DNAAF8: variants seen among roughly 807,000 people sequenced by gnomAD.
DNAAF8 encodes the protein dynein axonemal assembly factor 8, also known as dynein axonemal-associated protein 1.
A neutral mutation model predicts 54.6 loss-of-function variants in DNAAF8; 61 were observed. The observed-to-expected ratio is 1.12, with a 90% CI of 0.91 to 1.38. The LOEUF (loss-of-function observed/expected upper bound fraction) is 1.38, where lower values mean the gene tolerates loss of function less well. DNAAF8 is among the 40% of genes most tolerant of loss of function. The pLI is 0.00. For missense variants in DNAAF8, 837 were observed against 665.0 expected (o/e 1.26, Z -2.85); for synonymous variants, 320 against 270.1 (o/e 1.18, Z -1.81).
At position 4,736,622 on chromosome 16, in the gene DNAAF8, T is replaced by C; in HGVS notation, c.108T>C (p.Ser36=). ...ILKAVKDQLP[S]LDSDSPLSDY... ...AGGCTGTCAAAGACCAGCTCCCGTCTCTGGACTCAGACTCCCCTTTGGTAA... is the reference window on the plus strand; with the variant it reads ...AGGCTGTCAAAGACCAGCTCCCGTCCCTGGACTCAGACTCCCCTTTGGTAA... Residue 36 remains serine (S), a synonymous_variant, in exon 2 of 10, where the codon TCT becomes TCC. Coordinates refer to ENST00000299320, the MANE Select transcript of DNAAF8 (RefSeq NM_139170.3). 6.3e-7 allele frequency: 1 copy of C among 1,579,944 alleles called. No individual in the cohort carries two copies. The highest frequency in any genetic ancestry group is 8.6e-7 in the Non-Finnish European group (1 of 1,162,272).
Position 4,740,513 on chromosome 16 carries a change from C to G in DNAAF8, c.637C>G (p.Gln213Glu). The G allele has an allele frequency of 6.2e-7, 1 of 1,614,128 alleles. No homozygotes were observed. Among genetic ancestry groups the G allele is most frequent in the Non-Finnish European group, 8.5e-7 (1 of 1,180,022 alleles). Residue 213 changes from glutamine to glutamate, a missense_variant, in exon 4 of 10, where the codon CAG becomes GAG. Physicochemically the swap from Gln to Glu is conservative, Grantham distance 29. Transcript: ENST00000299320. ...RRKMIETDIL[Q>E]KVTRDACGPT... ...GAAGATGATAGAGACGGACATCCTCCAGAAAGTCACCCGGGATGCCTGCGG... is the reference window on the plus strand; with the variant it reads ...GAAGATGATAGAGACGGACATCCTCGAGAAAGTCACCCGGGATGCCTGCGG...
Position 4,736,465 on chromosome 16 carries a change from G to C in DNAAF8, c.-50G>C. The C allele has an allele frequency of 6.9e-7, 1 of 1,453,816 alleles. No individual in the cohort carries two copies. 90.1% of individuals were successfully genotyped at this position (1,453,816 alleles called of 1,614,324 possible). A position where few individuals can be genotyped will look rare whatever the true frequency, so the allele number is the denominator to read the frequency against. ...TCCATCACCCTGTGTACCCCACAGA[G>C]CTCCCCGGATTATGGTGCACTGAGA... On this transcript the variant is annotated splice_region_variant and 5_prime_UTR_variant, in exon 2 of 10. Coordinates refer to ENST00000299320, the MANE Select transcript of DNAAF8 (RefSeq NM_139170.3).
chr16:4,747,118 A>G, intron 8 of DNAAF8, 93 bp downstream of exon 8: 3 of 1,306,662 alleles, frequency 2.3e-6, no homozygotes, highest in Admixed American at 5.7e-5. Context: ...GCCTGTGGTG[A>G]GGTCTTGCTG....
intron 5 of DNAAF8, chr16:4,743,922 CTTTTTTTTTTTTTTT>C (rs549586077): frequency 9.4e-6 from 1 of 106,024 alleles, no homozygotes; most frequent in African/African-American, 3.7e-5. Flanking sequence ...AGAATGTATT[CTTTTTTTTTTTTTTT>C]TTTTTTTTTG....
chr16:4,736,388 C>A, intron 1 of DNAAF8, 76 bp from the exon 2 acceptor site: 1 of 1,132,502 alleles, frequency 8.8e-7, no homozygotes, highest in Non-Finnish European at 1.2e-6. Context: ...TGGTCTCCTA[C>A]AGCTGGTAGA....
At chr16:4,741,314 T>G (rs952940759) in intron 4 of DNAAF8, among the ~76,000 whole-genome samples, 1 of 151,580 alleles carries the variant, frequency 6.6e-6, no homozygotes, top group African/African-American at 2.4e-5. Flanking sequence ...AAAAAGGAAT[T>G]CCACTCCCGA....
At chr16:4,739,770 C>T (rs959758753) in intron 3 of DNAAF8, among the ~76,000 whole-genome samples, 7 of 151,854 alleles carry the variant, frequency 4.6e-5, no homozygotes, top group Non-Finnish European at 8.8e-5. Flanking sequence ...AGAGGTCAGG[C>T]ACAGTGGCTT....
chr16:4,740,256 T>C lies in DNAAF8; in HGVS notation c.380T>C (p.Phe127Ser), dbSNP rs1290829358. Reference sequence around the variant, plus strand: ...GAAGGAAGAGACCCTGGCAGGCCTTTTGAAAGCTCTGGTGAGGTCAGCGCT... The same window carrying C: ...GAAGGAAGAGACCCTGGCAGGCCTTCTGAAAGCTCTGGTGAGGTCAGCGCT... ...SQEGRDPGRP[F>S]ESSGEVSALL... is the part of the protein sequence containing the mutation. The change falls in exon 4 of 10, where the codon TTT (phenylalanine) becomes TCT (serine). Residue 127 changes from phenylalanine to serine, a missense_variant. Phe to Ser is a radical substitution (Grantham distance 155, BLOSUM62 -2). Transcript: ENST00000299320. The C allele has an allele frequency of 6.2e-7, 1 of 1,614,036 alleles. No homozygotes were observed. Among genetic ancestry groups the C allele is most frequent in the Non-Finnish European group, 8.5e-7 (1 of 1,179,992 alleles).
intron 1 of DNAAF8, 56 bp downstream of exon 1, chr16:4,734,754 T>TA (rs2081851054): frequency 1.3e-5 from 2 of 151,590 alleles, no homozygotes; most frequent in African/African-American, 4.9e-5. Context: ...CGCGGGGAAA[T>TA]ACGGGCTGGG....
At position 4,746,497 on chromosome 16, in the gene DNAAF8, A is replaced by G. The variant is rs1339693293; in HGVS notation, c.1166A>G (p.His389Arg). 1 of 1,613,484 alleles carries G rather than the reference A, an allele frequency of 6.2e-7. No homozygotes were observed. Among genetic ancestry groups the G allele is most frequent in the South Asian group, 1.1e-5 (1 of 91,074 alleles). The change falls in exon 7 of 10, where the codon CAC (histidine) becomes CGC (arginine). Residue 389 changes from histidine to arginine, a missense_variant. Coordinates refer to ENST00000299320, the MANE Select transcript of DNAAF8 (RefSeq NM_139170.3). ...CTGCGGCAGATGGAGCTACCAGACC[A>G]CCTGTCCCCAGAAAGGTCCGGAGGG... is the stretch of plus-strand genomic sequence containing the variant. ...IDLRQMELPD[H>R]LSPESSSHSS...
intron 2 of DNAAF8, among the ~76,000 whole-genome samples, chr16:4,736,915 G>A (rs1049380565): frequency 3.3e-5 from 5 of 152,066 alleles, no homozygotes; most frequent in African/African-American, 9.7e-5. Flanking sequence ...GGAGTTTTTG[G>A]TGCTGACTTG....
intron 1 of DNAAF8, among the ~76,000 whole-genome samples, chr16:4,735,613 A>C (rs1327490226): frequency 4.0e-5 from 6 of 150,932 alleles, no homozygotes; most frequent in African/African-American, 1.5e-4. Flanking sequence ...ATATAAATGC[A>C]GGGGCTGGTC....
At chr16:4,741,669 G>A (rs538157560) in intron 4 of DNAAF8, among the ~76,000 whole-genome samples, 11 of 152,250 alleles carry the variant, frequency 7.2e-5, no homozygotes, top group Non-Finnish European at 1.6e-4. Flanking sequence ...GTGTGGTGGT[G>A]CGCGCCTGTA....
chr16:4,735,222 G>A (rs1269009639), intron 1 of DNAAF8: 3 of 152,386 alleles, frequency 2.0e-5, no homozygotes, highest in African/African-American at 7.2e-5. Context: ...CAGAGTCTCT[G>A]GAGGCCCTCT....
chr16:4,743,021 T>C, intron 4 of DNAAF8, 22 bp from the exon 5 acceptor site: 1 of 1,563,938 alleles, frequency 6.4e-7, no homozygotes, highest in Non-Finnish European at 8.8e-7. Context: ...ATCCTCATAA[T>C]CACTGGTTTT....
intron 5 of DNAAF8, among the ~76,000 whole-genome samples, chr16:4,744,062 T>C (rs1388392471): frequency 6.6e-6 from 1 of 151,940 alleles, no homozygotes; most frequent in East Asian, 1.9e-4. Flanking sequence ...CCTGAGTTGC[T>C]GGGATTACAG....
Position 4,743,105 on chromosome 16 carries a change from G to A in DNAAF8, c.846G>A (p.Gln282=), listed in dbSNP as rs1483764903. 6.2e-7 allele frequency: 1 copy of A among 1,612,644 alleles called. No homozygotes were observed. The highest frequency in any genetic ancestry group is 1.7e-5 in the Admixed American group (1 of 59,754). ...GTCTGGCGGGACAAGAAGACAACCAGGGAAATCGTGCACCTGGAACTGTGT... is the reference window on the plus strand; with the variant it reads ...GTCTGGCGGGACAAGAAGACAACCAAGGAAATCGTGCACCTGGAACTGTGT... ...LQSLAGQEDN[Q]GNRAPGTVWW... The change falls in exon 5 of 10, where the codon CAG becomes CAA. Residue 282 remains glutamine, a synonymous_variant. Transcript: ENST00000299320.
chr16:4,740,328 T>A lies in DNAAF8; in HGVS notation c.452T>A (p.Leu151His). 1 of 1,613,916 alleles carries A rather than the reference T, an allele frequency of 6.2e-7. No homozygotes were observed. Among genetic ancestry groups the A allele is most frequent in the Non-Finnish European group, 8.5e-7 (1 of 1,179,958 alleles). The change falls in exon 4 of 10, where the codon CTT becomes CAT. Residue 151 changes from leucine (L) to histidine (H), a missense_variant. Physicochemically the swap from Leu to His is moderately conservative, Grantham distance 99. Coordinates refer to ENST00000299320, the MANE Select transcript of DNAAF8 (RefSeq NM_139170.3). Reference protein sequence around the residue: ...EEPPRWLEGDLGSLSFNTKGS... With the variant: ...EEPPRWLEGDHGSLSFNTKGS... ...CCCCCCAGGTGGCTGGAAGGCGACCTTGGAAGCCTGTCTTTCAACACCAAA... is the reference window on the plus strand; with the variant it reads ...CCCCCCAGGTGGCTGGAAGGCGACCATGGAAGCCTGTCTTTCAACACCAAA...
chr16:4,736,755 C>A, intron 2 of DNAAF8, 112 bp downstream of exon 2: 1 of 1,177,978 alleles, frequency 8.5e-7, no homozygotes, highest in Non-Finnish European at 1.1e-6. Flanking sequence ...CTGACCTGTG[C>A]AGTTTGTTGT....
Sources: allele counts gnomAD v4.1 joint callset (sites outside exome capture counted in the v4.1 genomes callset), GRCh38; gene constraint gnomAD v4.1.1; transcripts MANE v1.5; gene names NCBI Gene and HGNC (gene_info 2026-07-23, HGNC 2026-07-21).